Variants in FAM20C observed in about 807,000 individuals in gnomAD.
The protein encoded by FAM20C is extracellular serine/threonine protein kinase FAM20C.
FAM20C carries 40 observed loss-of-function variants against 51.5 expected under a neutral mutation model. The observed-to-expected ratio is 0.78, with a 90% CI of 0.60 to 1.01. FAM20C has a LOEUF of 1.01. FAM20C is among the 50% of genes least tolerant of loss of function. The pLI is 0.00. For missense variants in FAM20C, 861 were observed against 844.7 expected (o/e 1.02, Z -0.24); for synonymous variants, 406 against 380.6 (o/e 1.07, Z -0.78).
intron 3 of FAM20C, among the ~76,000 whole-genome samples, chr7:215,045 T>C (rs556537869): frequency 1.3e-5 from 2 of 152,034 alleles, no homozygotes; most frequent in Admixed American, 1.3e-4. Context: ...TAAACACTCC[T>C]CGTCACTACA....
At position 241,876 on chromosome 7, in the gene FAM20C, T is replaced by C. The variant is rs943280130; in HGVS notation, c.864-4539T>C. Among the ~76,000 whole-genome samples the C allele has an allele frequency of 4.0e-4, 61 of 151,950 alleles. No individual in the cohort carries two copies. In the East Asian group the frequency reaches 0.011, roughly 27 times the overall value. On this transcript the variant is annotated intron_variant, in intron 3 of 9. Coordinates refer to ENST00000313766, the MANE Select transcript of FAM20C (RefSeq NM_020223.4). The stretch of plus-strand genomic sequence containing the variant: ...AGGTGTGTGTGTGTGCATGAGTGGG[T>C]ATGTGTGTGTGCATGAGTGTTCATG...
intron 6 of FAM20C, chr7:256,318 C>T: frequency 1.7e-6 from 1 of 576,624 alleles, no homozygotes; most frequent in East Asian, 2.9e-5. Flanking sequence ...TCCCTCTCCT[C>T]ACTCCTGCGG....
chr7:235,689 G>A (rs1787828285), intron 3 of FAM20C, among the ~76,000 whole-genome samples: 2 of 152,218 alleles, frequency 1.3e-5, no homozygotes, highest in Admixed American at 6.5e-5. Flanking sequence ...GGAGCAGCCG[G>A]TCAGCTCAGC....
chr7:246,328 T>C, intron 3 of FAM20C, 87 bp from the exon 4 acceptor site: 1 of 1,133,482 alleles, frequency 8.8e-7, no homozygotes, highest in Admixed American at 2.0e-5. Context: ...ATTTTTCATA[T>C]GAGGAACCCA....
Position 212,403 on chromosome 7 carries a change from C to T in FAM20C, c.863+3427C>T, listed in dbSNP as rs374393536. ...GCTTGAACCTGGGAGGTGGAGGTTA[C>T]AGTGAGCCGAGCTGACGCCACTGCA... is the stretch of plus-strand genomic sequence containing the variant. On this transcript the variant is annotated intron_variant, in intron 3 of 9. Coordinates refer to ENST00000313766, the MANE Select transcript of FAM20C (RefSeq NM_020223.4). Among the ~76,000 whole-genome samples the T allele has an allele frequency of 1.6e-4, 25 of 152,302 alleles. No individual in the cohort carries two copies. In the South Asian group the frequency reaches 5.0e-3, roughly 30 times the overall value.
chr7:253,995 G>A (rs928432297), intron 5 of FAM20C, among the ~76,000 whole-genome samples: 1 of 152,226 alleles, frequency 6.6e-6, no homozygotes, highest in South Asian at 2.1e-4. Flanking sequence ...CACGAGACAG[G>A]ATTGCAGCTG....
intron 3 of FAM20C, among the ~76,000 whole-genome samples, chr7:209,599 C>T (rs1786605969): frequency 6.6e-6 from 1 of 152,214 alleles, no homozygotes; most frequent in Non-Finnish European, 1.5e-5. Context: ...TGGCACGCGA[C>T]AGCTCGTGGT....
At chr7:251,944 C>A (rs1451025489) in intron 5 of FAM20C, among the ~76,000 whole-genome samples, 1 of 152,214 alleles carries the variant, frequency 6.6e-6, no homozygotes, top group Non-Finnish European at 1.5e-5. Context: ...GAACGCAGCC[C>A]CTGGAACCCC....
chr7:256,464 C>G lies in FAM20C; in HGVS notation c.1254-190C>G. The G allele has an allele frequency of 3.3e-6, 2 of 606,634 alleles. 1 individual carries two copies. Among genetic ancestry groups the G allele is most frequent in the Non-Finnish European group, 5.8e-6 (2 of 342,646 alleles). 37.6% of individuals were successfully genotyped at this position (606,634 alleles called of 1,614,324 possible). A position where few individuals can be genotyped will look rare whatever the true frequency, so the allele number is the denominator to read the frequency against. On this transcript the variant is annotated intron_variant, in intron 6 of 9. Transcript: ENST00000313766. ...AGCTCCAGGTGGGGTCACCCCGAGG[C>G]AGGGCAGAGCGGCTCCGTCCCCTCC...
chr7:211,622 G>C (rs564907676), intron 3 of FAM20C, among the ~76,000 whole-genome samples: 1 of 152,210 alleles, frequency 6.6e-6, no homozygotes. Flanking sequence ...TGAAGGCCGA[G>C]GCTGCTGACG....
At chr7:246,733 C>T (rs983242047) in intron 4 of FAM20C, among the ~76,000 whole-genome samples, 4 of 151,320 alleles carry the variant, frequency 2.6e-5, no homozygotes, top group Non-Finnish European at 5.9e-5. Context: ...GCTCTCCCCC[C>T]ACCCCGAGTG....
intron 3 of FAM20C, chr7:228,505 CT>C (rs1562383785): frequency 4.4e-6 from 2 of 456,208 alleles, no homozygotes; most frequent in Admixed American, 4.7e-5. Flanking sequence ...TGTCCCTCCC[CT>C]GTGAGAGGCT....
intron 3 of FAM20C, among the ~76,000 whole-genome samples, chr7:211,857 G>T (rs1170026226): frequency 6.6e-6 from 1 of 152,220 alleles, no homozygotes; most frequent in African/African-American, 2.4e-5. Context: ...GCGGGCGGAG[G>T]CAGGGACCCC....
intron 3 of FAM20C, chr7:228,462 C>G (rs1419955216): frequency 2.4e-5 from 11 of 455,980 alleles, no homozygotes; most frequent in South Asian, 1.5e-5. Flanking sequence ...TGTCACGGCT[C>G]AGTGTGGGGT....
At chr7:248,270 T>G in intron 4 of FAM20C, 45 bp from the exon 5 acceptor site, 1 of 1,418,830 alleles carries the variant, frequency 7.0e-7, no homozygotes, top group Non-Finnish European at 9.6e-7. Context: ...AGAGGCCCGC[T>G]GAGCCGCACA....
chr7:242,300 A>G (rs1787969623), intron 3 of FAM20C, among the ~76,000 whole-genome samples: 1 of 152,168 alleles, frequency 6.6e-6, no homozygotes, highest in Non-Finnish European at 1.5e-5. Flanking sequence ...AGACCTGGAG[A>G]TGTGCTGTCT....
chr7:248,682 C>T (rs1788276482), intron 5 of FAM20C, among the ~76,000 whole-genome samples: 1 of 146,658 alleles, frequency 6.8e-6, no homozygotes, highest in Non-Finnish European at 1.5e-5. Context: ...TTCACCTCTC[C>T]AGGTAGCCTG....
Position 206,562 on chromosome 7 carries a change from GGTCACTGTCCCCTCA to G in FAM20C, c.785-2334_785-2320del, listed in dbSNP as rs1562368151. Among the ~76,000 whole-genome samples, 52 of 34,766 alleles carry G rather than the reference GGTCACTGTCCCCTCA, an allele frequency of 1.5e-3. 3 individuals are homozygous for G. Among genetic ancestry groups the G allele is most frequent in the Non-Finnish European group, 3.3e-3 (47 of 14,170 alleles). The allele number at this position is 34,766 out of a possible 152,430, so 22.8% of individuals were successfully genotyped here. A position where few individuals can be genotyped will look rare whatever the true frequency, so the allele number is the denominator to read the frequency against. ...GCACACGTGTCCACTGTGACGCGTCGGTCACTGTCCCCTCAGCCCCGCACACGTGCTCACTGTCCA... is the reference window on the plus strand; with the variant it reads ...GCACACGTGTCCACTGTGACGCGTCGGCCCCGCACACGTGCTCACTGTCCA... On this transcript the variant is annotated intron_variant, in intron 2 of 9. Coordinates refer to ENST00000313766, the MANE Select transcript of FAM20C (RefSeq NM_020223.4).
Position 246,503 on chromosome 7 carries a change from G to A in FAM20C, c.952G>A (p.Asp318Asn). 1 of 1,530,358 alleles carries A rather than the reference G, an allele frequency of 6.5e-7. No homozygotes were observed. The highest frequency in any genetic ancestry group is 1.2e-5 in the South Asian group (1 of 83,766). 94.8% of individuals were successfully genotyped at this position (1,530,358 alleles called of 1,614,324 possible). Reference protein sequence around the residue: ...HNAEIAAFHLDRILDFRRVPP... With the variant: ...HNAEIAAFHLNRILDFRRVPP... ...TGCGGAGATTGCTGCCTTCCACCTG[G>A]ACAGGTGAGCCCTTCCTTCCTCCCT... Residue 318 changes from aspartate (D) to asparagine (N), a missense_variant, in exon 4 of 10, where the codon GAC becomes AAC. Physicochemically the swap from Asp to Asn is conservative, Grantham distance 23. Around this residue, in one of 3 missense-constraint regions of FAM20C, gnomAD observed 561 missense variants for 499.8 expected, o/e 1.12. Transcript: ENST00000313766.
Sources: allele counts gnomAD v4.1 joint callset (sites outside exome capture counted in the v4.1 genomes callset), GRCh38; gene constraint gnomAD v4.1.1; regional missense constraint gnomAD v4.1.1; transcripts MANE v1.5; gene names NCBI Gene and HGNC (gene_info 2026-07-23, HGNC 2026-07-21).